COL6A3: variants seen among roughly 807,000 people sequenced by gnomAD.
COL6A3 encodes collagen alpha-3(VI) chain.
In COL6A3, 137 loss-of-function variants were observed where a neutral mutation model predicts 274.1. The ratio of observed to expected loss-of-function variants is 0.50; its 90% CI spans 0.44 to 0.58. The LOEUF (loss-of-function observed/expected upper bound fraction) is 0.58, where lower values mean the gene tolerates loss of function less well. COL6A3 is among the 20% of genes least tolerant of loss of function. The pLI is 0.00. For missense variants in COL6A3, 3,950 were observed against 4,124.9 expected (o/e 0.96, Z 1.16); for synonymous variants, 1,650 against 1,650.6 (o/e 1.00, Z 0.01).
rs562969445 is a variant in COL6A3 at position 237,387,662 on chromosome 2, A to G, written c.1232T>C (p.Leu411Pro). 2 of 1,613,840 alleles carry G rather than the reference A, an allele frequency of 1.2e-6. No individual in the cohort carries two copies. The highest frequency in any genetic ancestry group is 2.2e-5 in the South Asian group (2 of 90,974). ...TVPEFRSFGD[L>P]QEKLLPYIVG... is the part of the protein sequence containing the mutation. ...AATGTACGGCAGTAATTTCTCCTGG[A>G]GGTCCCCAAAGCTACGGAATTCCGG... is the stretch of plus-strand genomic sequence containing the variant. The change falls in exon 4 of 44, where the codon CTC (leucine) becomes CCC (proline). Residue 411 changes from leucine (L) to proline (P), a missense_variant. Coordinates refer to ENST00000295550, the MANE Select transcript of COL6A3 (RefSeq NM_004369.4).
chr2:237,335,860 A>T (rs1435043735), intron 40 of COL6A3, among the ~76,000 whole-genome samples: 1 of 152,206 alleles, frequency 6.6e-6, no homozygotes, highest in Admixed American at 6.5e-5. Flanking sequence ...AGTTTAAGAC[A>T]ACTCAATTTT....
At chr2:237,356,409 A>C (rs6709577) in intron 23 of COL6A3, among the ~76,000 whole-genome samples, 22,802 of 152,238 alleles carry the variant, frequency 0.15, 1,952 homozygotes, top group East Asian at 0.24. Flanking sequence ...TGATATTTTC[A>C]AAATTTCTAT....
rs2077993391 is a variant in COL6A3, at chr2:237,381,157, A to C, written c.1655T>G (p.Leu552Arg). The change falls in exon 5 of 44, where the codon CTT becomes CGT. Residue 552 changes from leucine to arginine, a missense_variant. Leu to Arg is a moderately radical substitution (Grantham distance 102). This residue lies in a region of COL6A3 where 1,934 missense variants were observed against 1,984.3 expected (regional missense o/e 0.97). Coordinates refer to ENST00000295550, the MANE Select transcript of COL6A3 (RefSeq NM_004369.4). ...CTTACCACCTGTGATCAGCACCAAA[A>C]GCTTAGGAATCCCCTCGGCAGCCCG... Reference protein sequence around the residue: ...GYRAAEGIPKLLVLITGGKSL... With the variant: ...GYRAAEGIPKRLVLITGGKSL... 3 of 1,614,256 alleles carry C rather than the reference A, an allele frequency of 1.9e-6. No individual in the cohort carries two copies. The highest frequency in any genetic ancestry group is 1.1e-5 in the South Asian group (1 of 91,092).
intron 7 of COL6A3, 75 bp from the exon 8 acceptor site, chr2:237,375,095 A>G: frequency 6.3e-7 from 1 of 1,596,600 alleles, no homozygotes; most frequent in Non-Finnish European, 8.5e-7. Context: ...TGGGCTGCAT[A>G]AGAGCATCAC....
rs572430889 is a variant in COL6A3, at chr2:237,388,092, G to A, written c.802C>T (p.Leu268Phe). 1.4e-5 allele frequency: 23 copies of A among 1,614,118 alleles called. No homozygotes were observed. In the Middle Eastern group the frequency reaches 8.2e-4, roughly 58 times the overall value. Residue 268 changes from leucine to phenylalanine, a missense_variant, in exon 4 of 44, where the codon CTC becomes TTC. By Grantham distance (22) the Leu-to-Phe change is conservative. This residue lies in a region of COL6A3 where 1,934 missense variants were observed against 1,984.3 expected (regional missense o/e 0.97). Transcript: ENST00000295550. ...FAVILDFLVN[L>F]LEKLPIGTQQ... The stretch of plus-strand genomic sequence containing the variant: ...GTTCCAATTGGGAGTTTCTCAAGGA[G>A]ATTTACAAGGAAGTCGAGAATGACT...
rs960542923 is a variant in COL6A3 at position 237,378,906 on chromosome 2, C to T, written c.2227G>A (p.Val743Met). The change falls in exon 6 of 44, where the codon GTG becomes ATG. Residue 743 changes from valine (V) to methionine (M), a missense_variant. Around this residue, in one of 5 missense-constraint regions of COL6A3, gnomAD observed 1,934 missense variants for 1,984.3 expected, o/e 0.97. Transcript: ENST00000295550. ...EAGGSRIREH[V>M]PQLLLLLTAG... Reference sequence around the variant, plus strand: ...GTGAGCAGAAGCAGGAGCTGCGGCACGTGTTCACGGATCCTGCTGCCGCCA... The same window carrying T: ...GTGAGCAGAAGCAGGAGCTGCGGCATGTGTTCACGGATCCTGCTGCCGCCA... The T allele has an allele frequency of 1.4e-5, 22 of 1,614,200 alleles. 1 individual carries two copies. The highest frequency in any genetic ancestry group is 1.7e-4 in the Middle Eastern group (1 of 6,060).
At position 237,340,494 on chromosome 2, in the gene COL6A3, G is replaced by C. The variant is rs1335582737; in HGVS notation, c.8422C>G (p.Pro2808Ala). 1.2e-6 allele frequency: 2 copies of C among 1,614,000 alleles called. No individual in the cohort carries two copies. Among genetic ancestry groups the C allele is most frequent in the Non-Finnish European group, 1.7e-6 (2 of 1,180,046 alleles). ...VDKSTELNEE[P>A]LMRFGRLLPS... ...AACAGCCTCCCGAAGCGCATCAAAG[G>C]CTCCTCGTTGAGCTCGGTGGACTTG... is the stretch of plus-strand genomic sequence containing the variant. The change falls in exon 38 of 44, where the codon CCT becomes GCT. Residue 2808 changes from proline (P) to alanine (A), a missense_variant. Coordinates refer to ENST00000295550, the MANE Select transcript of COL6A3 (RefSeq NM_004369.4).
intron 26 of COL6A3, among the ~76,000 whole-genome samples, chr2:237,352,008 C>A (rs2077217296): frequency 6.6e-6 from 1 of 152,218 alleles, no homozygotes; most frequent in Non-Finnish European, 1.5e-5. Context: ...GACACCTGAT[C>A]CTAGCCCAGC....
intron 18 of COL6A3, 40 bp from the exon 19 acceptor site, chr2:237,359,290 A>T: frequency 6.2e-7 from 1 of 1,614,112 alleles, no homozygotes; most frequent in Non-Finnish European, 8.5e-7. Context: ...ATAGAAAGCT[A>T]TTCTGGCAAA....
intron 23 of COL6A3, chr2:237,355,210 C>G: frequency 2.2e-6 from 1 of 460,774 alleles, no homozygotes; most frequent in Admixed American, 3.7e-5. Flanking sequence ...TACTGCAGAC[C>G]TGCCAAGCAA....
chr2:237,371,955 G>T lies in COL6A3; in HGVS notation c.4062C>A (p.Asp1354Glu). The T allele has an allele frequency of 6.2e-7, 1 of 1,614,084 alleles. No homozygotes were observed. The highest frequency in any genetic ancestry group is 8.5e-7 in the Non-Finnish European group (1 of 1,180,028). Reference sequence around the variant, plus strand: ...CAAACTGCTTGAGCTCCACCGCCGGGTCGTCCACCTCATCGTCAGACTTTC... The same window carrying T: ...CAAACTGCTTGAGCTCCACCGCCGGTTCGTCCACCTCATCGTCAGACTTTC... ...SSGKSDDEVD[D>E]PAVELKQFGV... Residue 1354 changes from aspartate (D) to glutamate (E), a missense_variant, in exon 9 of 44, where the codon GAC becomes GAA. Coordinates refer to ENST00000295550, the MANE Select transcript of COL6A3 (RefSeq NM_004369.4). The surrounding 1 kb of genome is among the most constrained non-coding windows in gnomAD (Gnocchi z 4.3).
At chr2:237,328,258 A>C (rs964938799) in intron 42 of COL6A3, 6 of 152,218 alleles carry the variant, frequency 3.9e-5, no homozygotes, top group Non-Finnish European at 8.8e-5. Context: ...CAGGAAAGTA[A>C]CCAAATAGAA....
intron 3 of COL6A3, among the ~76,000 whole-genome samples, chr2:237,392,306 C>A (rs2078309100): frequency 6.6e-6 from 1 of 152,242 alleles, no homozygotes; most frequent in Non-Finnish European, 1.5e-5. Context: ...CATCTCTCTT[C>A]AGCTCCTGCT....
At chr2:237,357,015 C>A in intron 23 of COL6A3, 1 of 428,834 alleles carries the variant, frequency 2.3e-6, no homozygotes, top group Non-Finnish European at 4.2e-6. Context: ...CCCTCCCTCC[C>A]CCAGTATTAG....
At position 237,357,893 on chromosome 2, in the gene COL6A3, C is replaced by A; in HGVS notation, c.6472-11G>T. ...TTGTCCTGGGTTACCCTGAAAGCAA[C>A]ATGGGAAAGGGAAATGAGCCACATA... On this transcript the variant is annotated splice_polypyrimidine_tract_variant and intron_variant, in intron 21 of 43. Coordinates refer to ENST00000295550, the MANE Select transcript of COL6A3 (RefSeq NM_004369.4). 1.2e-6 allele frequency: 2 copies of A among 1,613,938 alleles called. No individual in the cohort carries two copies. Among genetic ancestry groups the A allele is most frequent in the East Asian group, 4.5e-5 (2 of 44,882 alleles).
chr2:237,347,690 C>G, intron 31 of COL6A3, 117 bp downstream of exon 31: 1 of 1,074,196 alleles, frequency 9.3e-7, no homozygotes, highest in Non-Finnish European at 1.4e-6. Context: ...TCCTTCCACC[C>G]TGTGCTATCC....
rs1363605496 is a variant in COL6A3 at position 237,371,706 on chromosome 2, G to A, written c.4285+26C>T. The A allele has an allele frequency of 1.3e-6, 2 of 1,558,454 alleles. No homozygotes were observed. Among genetic ancestry groups the A allele is most frequent in the African/African-American group, 2.8e-5 (2 of 72,712 alleles). ...TTTTTCATATGGAAAATGCTCCAAG[G>A]AGAACCTCCGACGCCCCCATCTCAC... On this transcript the variant is annotated intron_variant, in intron 9 of 43. Transcript: ENST00000295550. This position sits in a 1 kb window ranked among gnomAD's most constrained non-coding sequence, Gnocchi z 4.3.
chr2:237,397,008 T>A (rs1027625776), intron 1 of COL6A3, among the ~76,000 whole-genome samples, 161 bp from the exon 2 acceptor site: 2 of 124,140 alleles, frequency 1.6e-5, no homozygotes, highest in Non-Finnish European at 3.3e-5. Context: ...TGATAGACAG[T>A]TAGATAGATG....
chr2:237,366,586 A>T (rs759567603), intron 11 of COL6A3, 101 bp downstream of exon 11: 70 of 1,581,676 alleles, frequency 4.4e-5, no homozygotes, highest in Non-Finnish European at 5.8e-5. Context: ...GAAGCAACCA[A>T]ATGCCTAAGG....
Sources: gnomAD v4.1 joint callset for allele counts (sites outside exome capture counted in the v4.1 genomes callset) on GRCh38, gnomAD v4.1.1 for gene constraint, gnomAD v4.1.1 regional missense constraint, Gnocchi (gnomAD v3.1) non-coding constraint, MANE v1.5 for transcripts, NCBI Gene and HGNC (gene_info 2026-07-23, HGNC 2026-07-21) for gene names.